The following PRKX variants were observed in gnomAD, a reference collection of about 807,000 sequenced individuals.
PRKX encodes protein kinase cAMP-dependent X-linked catalytic subunit.
PRKX carries 12 observed loss-of-function variants against 22.0 expected under a neutral mutation model. That is an observed-to-expected ratio of 0.54 (90% CI 0.35 to 0.88). The LOEUF is 0.88. Ranked by LOEUF, PRKX falls within the 40% of genes least tolerant of loss-of-function variation. The pLI is 0.01. For synonymous variants in PRKX, 134 were observed against 137.7 expected, an observed-to-expected ratio of 0.97 and a Z score of 0.19; for missense variants, 217 against 308.0, an observed-to-expected ratio of 0.70 and a Z score of 2.21.
intron 3 of PRKX, among the ~76,000 whole-genome samples, chrX:3,652,374 T>C (rs1447399497): frequency 2.9e-5 from 3 of 104,954 alleles, no homozygotes; most frequent in Non-Finnish European, 3.9e-5. Flanking sequence ...GCTGAGATCA[T>C]GCCACTATAC....
At chrX:3,628,167 G>A (rs1425007324) in intron 4 of PRKX, among the ~76,000 whole-genome samples, 3 of 111,072 alleles carry the variant, frequency 2.7e-5, no homozygotes, top group African/African-American at 9.8e-5. Context: ...AACAGCACTT[G>A]TGCTTACTCA....
chrX:3,704,288 T>C (rs1343155190), intron 1 of PRKX, among the ~76,000 whole-genome samples: 2 of 112,397 alleles, frequency 1.8e-5, no homozygotes, highest in East Asian at 5.6e-4. Context: ...CCCAGGTTTC[T>C]GTGCAAACAA....
rs746549316 is a variant in PRKX, at chrX:3,636,114, C to T, written c.719+5738G>A. ...TATGATCTCCTTCCTAATCACATGGCAGATTTTACCAAATAGATGGTTTTC... is the reference window on the plus strand; with the variant it reads ...TATGATCTCCTTCCTAATCACATGGTAGATTTTACCAAATAGATGGTTTTC... On this transcript the variant is annotated intron_variant, in intron 4 of 8. Coordinates refer to ENST00000262848, the MANE Select transcript of PRKX (RefSeq NM_005044.5). Among the ~76,000 whole-genome samples the T allele has an allele frequency of 1.4e-4, 16 of 112,444 alleles. No individual in the cohort carries two copies. The South Asian group carries it at 5.9e-3, about 41-fold the overall frequency.
chrX:3,704,572 T>G (rs111251789), intron 1 of PRKX, among the ~76,000 whole-genome samples: 78 of 110,160 alleles, frequency 7.1e-4, no homozygotes, highest in African/African-American at 2.4e-3. Context: ...GAGGCTGAGG[T>G]GAGAGGATCC....
intron 1 of PRKX, among the ~76,000 whole-genome samples, chrX:3,692,100 G>GGAGA (rs1258980344): frequency 1.0e-5 from 1 of 100,461 alleles, no homozygotes; most frequent in Non-Finnish European, 2.0e-5. Flanking sequence ...GGGGAGGGAG[G>GGAGA]GAGAGCGAGA....
intron 1 of PRKX, among the ~76,000 whole-genome samples, chrX:3,711,998 A>G (rs1270193635): frequency 8.9e-6 from 1 of 111,898 alleles, no homozygotes; most frequent in Non-Finnish European, 1.9e-5. Context: ...CTCAAGGTCT[A>G]AGTGGCAAAG....
At chrX:3,657,887 C>T (rs965037175) in intron 2 of PRKX, among the ~76,000 whole-genome samples, 1 of 111,941 alleles carries the variant, frequency 8.9e-6, no homozygotes, top group African/African-American at 3.2e-5. Context: ...GCACAAGTTA[C>T]AAATACAGTT....
chrX:3,700,134 G>A (rs1928527765), intron 1 of PRKX, among the ~76,000 whole-genome samples: 1 of 112,296 alleles, frequency 8.9e-6, no homozygotes, highest in African/African-American at 3.2e-5. Flanking sequence ...AAGGGATGGA[G>A]TTTCCTAACA....
chrX:3,650,103 T>C (rs1305188347), intron 3 of PRKX, among the ~76,000 whole-genome samples: 2 of 110,969 alleles, frequency 1.8e-5, no homozygotes, highest in Non-Finnish European at 3.8e-5. Flanking sequence ...GTTGCACTAC[T>C]GCACTCCAGC....
intron 2 of PRKX, among the ~76,000 whole-genome samples, chrX:3,672,496 A>C: frequency 9.0e-6 from 1 of 111,145 alleles, no homozygotes; most frequent in Admixed American, 9.7e-5. Flanking sequence ...GAGCTCAAGA[A>C]TTCCATCCTG....
chrX:3,682,690 G>A (rs1928099303), intron 1 of PRKX, among the ~76,000 whole-genome samples: 2 of 111,172 alleles, frequency 1.8e-5, no homozygotes, highest in South Asian at 7.7e-4. Context: ...CAAGCCCAGG[G>A]ACACTTGGAG....
intron 1 of PRKX, among the ~76,000 whole-genome samples, chrX:3,704,711 C>G (rs1165658018): frequency 9.0e-6 from 1 of 111,344 alleles, no homozygotes; most frequent in Non-Finnish European, 1.9e-5. Context: ...GTGCCTGGCT[C>G]ATTTCTCAGA....
intron 1 of PRKX, 25 bp downstream of exon 1, chrX:3,713,063 C>T (rs1928825991): frequency 1.7e-6 from 2 of 1,150,005 alleles, no homozygotes; most frequent in African/African-American, 3.7e-5. Flanking sequence ...CCCTGTGGGC[C>T]GAGTCCCCGC....
chrX:3,609,381 G>C (rs755382565), intron 8 of PRKX, among the ~76,000 whole-genome samples: 5 of 111,624 alleles, frequency 4.5e-5, no homozygotes, highest in East Asian at 5.6e-4. Flanking sequence ...GGCTGGTCTC[G>C]AACTCCTGAC....
At position 3,659,717 on chromosome X, in the gene PRKX, G is replaced by GTTTTTGT. The variant is rs1569053338; in HGVS notation, c.336-4306_336-4305insACAAAAA. ...ATTTTGTTGGAGTGGTGTTTTTTTT[G>GTTTTTGT]TTTTTTTTTTTGTTTTTTTTTTTTT... On this transcript the variant is annotated intron_variant, in intron 2 of 8. Transcript: ENST00000262848. Among the ~76,000 whole-genome samples the GTTTTTGT allele has an allele frequency of 7.1e-5, 2 of 28,039 alleles. 1 individual carries two copies. Among genetic ancestry groups the GTTTTTGT allele is most frequent in the Non-Finnish European group, 1.2e-4 (2 of 16,404 alleles). The allele number at this position is 28,039 out of a possible 115,157, so 24.3% of individuals were successfully genotyped here.
intron 3 of PRKX, among the ~76,000 whole-genome samples, chrX:3,649,939 A>G (rs1347924367): frequency 9.1e-6 from 1 of 109,727 alleles, no homozygotes; most frequent in Non-Finnish European, 1.9e-5. Context: ...TAGGAGTTCA[A>G]GACCAGCCCT....
intron 1 of PRKX, among the ~76,000 whole-genome samples, chrX:3,709,318 A>G (rs1331016746): frequency 9.0e-6 from 1 of 111,332 alleles, no homozygotes; most frequent in African/African-American, 3.3e-5. Context: ...TGAAGGGTCC[A>G]TGAGACTCCA....
At chrX:3,706,055 T>C (rs1432231685) in intron 1 of PRKX, among the ~76,000 whole-genome samples, 1 of 108,272 alleles carries the variant, frequency 9.2e-6, no homozygotes, top group Non-Finnish European at 1.9e-5. Flanking sequence ...TTTTAAGATA[T>C]ATCTCTCACT....
intron 2 of PRKX, among the ~76,000 whole-genome samples, chrX:3,658,305 A>G (rs1416955087): frequency 9.2e-6 from 1 of 108,178 alleles, no homozygotes; most frequent in Non-Finnish European, 1.9e-5. Context: ...TGTTTCTGAA[A>G]CAGGTTCTTA....
Sources: gnomAD v4.1 joint callset for allele counts (sites outside exome capture counted in the v4.1 genomes callset) on GRCh38, gnomAD v4.1.1 for gene constraint, MANE v1.5 for transcripts, NCBI Gene and HGNC (gene_info 2026-07-23, HGNC 2026-07-21) for gene names.